The following ANKRD55 variants were observed in gnomAD, a reference collection of about 807,000 sequenced individuals.
ANKRD55 encodes ankyrin repeat domain 55, also known as ankyrin repeat domain-containing protein 55.
In ANKRD55, 41 loss-of-function variants were observed where a neutral mutation model predicts 60.6. The ratio of observed to expected loss-of-function variants is 0.68; its 90% CI spans 0.53 to 0.88. ANKRD55 has a LOEUF of 0.88. Among genes scored for constraint, ANKRD55 ranks in the 40% least tolerant of loss-of-function variants. ANKRD55 has a pLI of 0.00. For synonymous variants in ANKRD55, 264 were observed against 290.3 expected (o/e 0.91, Z 0.92); for missense variants, 732 against 767.6 (o/e 0.95, Z 0.55).
At chr5:56,198,644 A>G (rs1759282210) in intron 2 of ANKRD55, among the ~76,000 whole-genome samples, 1 of 152,262 alleles carries the variant, frequency 6.6e-6, no homozygotes, top group South Asian at 2.1e-4. Flanking sequence ...CCCTTTTCTC[A>G]AAAACAAAAA....
At chr5:56,180,762 T>C (rs1272406502) in intron 3 of ANKRD55, among the ~76,000 whole-genome samples, 1 of 152,250 alleles carries the variant, frequency 6.6e-6, no homozygotes, top group Non-Finnish European at 1.5e-5. Flanking sequence ...ATTGTTTGTA[T>C]ACAAAAATAA....
chr5:56,162,725 A>G (rs1379909492), intron 5 of ANKRD55, among the ~76,000 whole-genome samples: 2 of 149,740 alleles, frequency 1.3e-5, no homozygotes, highest in South Asian at 2.1e-4. Context: ...GCTGGAGTGC[A>G]GTGGCACAAT....
intron 2 of ANKRD55, among the ~76,000 whole-genome samples, chr5:56,229,503 A>G (rs1430260206): frequency 1.3e-5 from 2 of 152,184 alleles, no homozygotes; most frequent in Non-Finnish European, 2.9e-5. Context: ...ATATAGTATT[A>G]TCCACATTTA....
intron 6 of ANKRD55, among the ~76,000 whole-genome samples, chr5:56,148,841 G>A (rs944292820): frequency 6.6e-5 from 10 of 152,022 alleles, no homozygotes; most frequent in Non-Finnish European, 1.2e-4. Flanking sequence ...GGTTCGGGGT[G>A]GGGTGGTGGA....
intron 8 of ANKRD55, among the ~76,000 whole-genome samples, chr5:56,122,358 T>G (rs143085443): frequency 1.1e-3 from 171 of 152,168 alleles, no homozygotes; most frequent in African/African-American, 3.9e-3. Context: ...TATTCAAGAT[T>G]GAATAAACTA....
chr5:56,130,070 C>A lies in ANKRD55; in HGVS notation c.613-2964G>T, dbSNP rs146353971. On this transcript the variant is annotated intron_variant, in intron 7 of 11. Transcript: ENST00000341048. ...AATCTGGACTGCCTTCATGGTTAGC[C>A]CCTTTGGACCAAGCTTTTAGTTGGC... 8.2e-3 allele frequency among the ~76,000 whole-genome samples: 1,242 copies of A among 152,270 alleles called. 17 individuals carry two copies. The highest frequency in any genetic ancestry group is 0.029 in the African/African-American group (1,186 of 41,554).
At chr5:56,164,572 C>T (rs1160326120) in intron 5 of ANKRD55, among the ~76,000 whole-genome samples, 3 of 152,312 alleles carry the variant, frequency 2.0e-5, no homozygotes, top group South Asian at 2.1e-4. Context: ...TGAAAAAGAC[C>T]TTCAGAGAGC....
intron 7 of ANKRD55, among the ~76,000 whole-genome samples, chr5:56,135,746 G>T (rs1473804932): frequency 6.6e-6 from 1 of 152,154 alleles, no homozygotes; most frequent in Non-Finnish European, 1.5e-5. Flanking sequence ...AAAGAATGCT[G>T]ATTGGGAAGG....
intron 5 of ANKRD55, among the ~76,000 whole-genome samples, chr5:56,165,983 T>C (rs1758438851): frequency 6.6e-6 from 1 of 152,106 alleles, no homozygotes; most frequent in Non-Finnish European, 1.5e-5. Context: ...ACATGTTAAC[T>C]TGCCCAAGAG....
chr5:56,232,003 T>C (rs1430579592), intron 2 of ANKRD55, among the ~76,000 whole-genome samples: 2 of 152,186 alleles, frequency 1.3e-5, no homozygotes, highest in East Asian at 3.8e-4. Context: ...TTGAAGAATA[T>C]TCAGAGACTG....
rs768383286 is a variant in ANKRD55 at position 56,183,605 on chromosome 5, T to C, written c.88A>G (p.Met30Val). ...CCATTAGAGGCTGCTTGATAAACCATGGTCAGGTCAACTTCCTCAGATGAG... is the reference window on the plus strand; with the variant it reads ...CCATTAGAGGCTGCTTGATAAACCACGGTCAGGTCAACTTCCTCAGATGAG... ...GDSSEEVDLT[M>V]VYQAASNGDV... is the part of the protein sequence containing the mutation. The change falls in exon 3 of 12, where the codon ATG (methionine) becomes GTG (valine). Residue 30 changes from methionine (M) to valine (V), a missense_variant. By Grantham distance (21) the Met-to-Val change is conservative. Transcript: ENST00000341048. 4.3e-6 allele frequency: 7 copies of C among 1,614,192 alleles called. No homozygotes were observed. The highest frequency in any genetic ancestry group is 1.3e-5 in the African/African-American group (1 of 75,054).
intron 4 of ANKRD55, 26 bp from the exon 5 acceptor site, chr5:56,170,829 T>A (rs1401813513): frequency 6.3e-7 from 1 of 1,596,404 alleles, no homozygotes; most frequent in Admixed American, 1.7e-5. Flanking sequence ...AACCACATCA[T>A]TATATAACAG....
chr5:56,185,902 A>C (rs927894259), intron 2 of ANKRD55, among the ~76,000 whole-genome samples: 1 of 152,190 alleles, frequency 6.6e-6, no homozygotes, highest in African/African-American at 2.4e-5. Context: ...TTCACTTATG[A>C]CAACAAACTG....
chr5:56,115,371 T>C (rs1580945395), intron 9 of ANKRD55, among the ~76,000 whole-genome samples: 1 of 149,740 alleles, frequency 6.7e-6, no homozygotes, highest in South Asian at 2.1e-4. Flanking sequence ...CAGGCTGGAG[T>C]GCAGTGGCAC....
At chr5:56,188,608 T>C (rs1426110216) in intron 2 of ANKRD55, among the ~76,000 whole-genome samples, 3 of 152,226 alleles carry the variant, frequency 2.0e-5, no homozygotes, top group African/African-American at 7.2e-5. Context: ...GGTGCCTTTG[T>C]TAAAAATGAG....
chr5:56,116,760 C>A lies in ANKRD55; in HGVS notation c.820G>T (p.Ala274Ser). ...TGGACACATTCGGCCTTCCCTGCAG[C>A]TGCAGCCCAGTGCAGAGGTGTCCTG... Reference protein sequence around the residue: ...DDRTPLHWAAAAGKAECVQSL... With the variant: ...DDRTPLHWAASAGKAECVQSL... The change falls in exon 9 of 12, where the codon GCT (alanine) becomes TCT (serine). Residue 274 changes from alanine to serine, a missense_variant. Transcript: ENST00000341048. 6.2e-7 allele frequency: 1 copy of A among 1,612,606 alleles called. No individual in the cohort carries two copies. The highest frequency in any genetic ancestry group is 8.5e-7 in the Non-Finnish European group (1 of 1,179,380).
intron 2 of ANKRD55, among the ~76,000 whole-genome samples, chr5:56,186,293 G>A (rs968553206): frequency 5.9e-5 from 9 of 152,168 alleles, no homozygotes; most frequent in East Asian, 1.9e-4. Context: ...TCAGCCTCCT[G>A]AGTAGCTGGG....
At chr5:56,212,890 C>T (rs12153631) in intron 2 of ANKRD55, among the ~76,000 whole-genome samples, 3,081 of 152,128 alleles carry the variant, frequency 0.02, 32 homozygotes, top group South Asian at 0.041. Flanking sequence ...AAATATAAAA[C>T]GAGATAGTTC....
intron 9 of ANKRD55, among the ~76,000 whole-genome samples, chr5:56,115,937 C>T (rs1031956731): frequency 6.6e-6 from 1 of 152,044 alleles, no homozygotes; most frequent in Non-Finnish European, 1.5e-5. Flanking sequence ...TCACTGCAAA[C>T]TCCATCGCCC....
Sources: allele counts gnomAD v4.1 joint callset (sites outside exome capture counted in the v4.1 genomes callset), GRCh38; gene constraint gnomAD v4.1.1; transcripts MANE v1.5; gene names NCBI Gene and HGNC (gene_info 2026-07-23, HGNC 2026-07-21).